The following IMMP2L variants were observed in gnomAD, a reference collection of about 807,000 sequenced individuals.
IMMP2L encodes the protein inner mitochondrial membrane peptidase subunit 2.
IMMP2L carries 18 observed loss-of-function variants against 19.3 expected under a neutral mutation model. The observed-to-expected ratio is 0.93, with a 90% CI of 0.64 to 1.38. The LOEUF is 1.38. Among genes scored for constraint, IMMP2L ranks in the 40% most tolerant of loss-of-function variants. The pLI, the probability that IMMP2L is intolerant of heterozygous loss-of-function variation, is 0.00. For synonymous variants in IMMP2L, 76 were observed against 73.0 expected (o/e 1.04, Z -0.21); for missense variants, 233 against 218.2 (o/e 1.07, Z -0.43).
At chr7:111,456,005 AT>A (rs1348288663) in intron 3 of IMMP2L, among the ~76,000 whole-genome samples, 64 of 145,922 alleles carry the variant, frequency 4.4e-4, no homozygotes, top group African/African-American at 1.6e-3. Context: ...ATATAGCAGG[AT>A]TATAAATGGC....
intron 3 of IMMP2L, among the ~76,000 whole-genome samples, chr7:111,478,784 C>A (rs184182223): frequency 2.6e-4 from 39 of 152,188 alleles, no homozygotes; most frequent in African/African-American, 9.4e-4. Flanking sequence ...TACTGTGAGA[C>A]TGTTTCTATC....
intron 3 of IMMP2L, among the ~76,000 whole-genome samples, chr7:111,042,782 C>T (rs1792022881): frequency 6.6e-6 from 1 of 152,190 alleles, no homozygotes; most frequent in Non-Finnish European, 1.5e-5. Flanking sequence ...CAACCTTTCT[C>T]CATTCCTTCT....
chr7:111,031,407 T>TGTGTGTGTGTGTGTGTGTGTGA (rs147571783), intron 3 of IMMP2L, among the ~76,000 whole-genome samples: 5 of 147,100 alleles, frequency 3.4e-5, no homozygotes, highest in African/African-American at 5.0e-5. Context: ...TGTGTGTGTG[T>TGTGTGTGTGTGTGTGTGTGTGA]GAGAGAAAGA....
chr7:111,251,295 G>C (rs1816088051), intron 3 of IMMP2L, among the ~76,000 whole-genome samples: 1 of 152,126 alleles, frequency 6.6e-6, no homozygotes, highest in Admixed American at 6.6e-5. Flanking sequence ...ACTGTTTATG[G>C]GGGTGTAAAT....
intron 3 of IMMP2L, among the ~76,000 whole-genome samples, chr7:111,257,903 G>T (rs1163724758): frequency 6.6e-6 from 1 of 151,780 alleles, no homozygotes; most frequent in African/African-American, 2.4e-5. Context: ...TTTACATTAG[G>T]TATTTCTCCT....
At chr7:110,684,293 T>C (rs1330327804) in intron 5 of IMMP2L, among the ~76,000 whole-genome samples, 2 of 152,110 alleles carry the variant, frequency 1.3e-5, no homozygotes, top group Non-Finnish European at 2.9e-5. Context: ...TAAGTCTTAA[T>C]TCTTTTTCGT....
At chr7:111,189,633 T>G (rs1449215145) in intron 3 of IMMP2L, among the ~76,000 whole-genome samples, 2 of 152,080 alleles carry the variant, frequency 1.3e-5, no homozygotes. Context: ...ATGGCATTCT[T>G]CAGCAAAGAA....
rs1406966448 is a variant in IMMP2L, at chr7:110,668,885, G to T, written c.409-5164C>A. 2.6e-5 allele frequency among the ~76,000 whole-genome samples: 4 copies of T among 151,746 alleles called. No individual in the cohort carries two copies. In the East Asian group the frequency reaches 7.7e-4, roughly 29 times the overall value. Reference sequence around the variant, plus strand: ...TTAAAATTGATATGTCTATAGGCAGGCAAAGAGTATAGTGAATATAGAAAG... The same window carrying T: ...TTAAAATTGATATGTCTATAGGCAGTCAAAGAGTATAGTGAATATAGAAAG... On this transcript the variant is annotated intron_variant, in intron 5 of 5. Coordinates refer to ENST00000405709, the MANE Select transcript of IMMP2L (RefSeq NM_032549.4).
At chr7:111,021,390 C>T (rs1009983866) in intron 3 of IMMP2L, among the ~76,000 whole-genome samples, 1 of 152,232 alleles carries the variant, frequency 6.6e-6, no homozygotes, top group African/African-American at 2.4e-5. Flanking sequence ...TCCTTACTCA[C>T]TGTATTAGTC....
intron 5 of IMMP2L, among the ~76,000 whole-genome samples, chr7:110,866,706 A>G (rs1280707961): frequency 1.3e-5 from 2 of 152,110 alleles, no homozygotes; most frequent in Non-Finnish European, 2.9e-5. Context: ...ATTTTACCAA[A>G]GGTTTCCGAG....
intron 3 of IMMP2L, among the ~76,000 whole-genome samples, chr7:111,224,989 A>T (rs187518463): frequency 1.3e-5 from 2 of 152,212 alleles, no homozygotes; most frequent in East Asian, 3.9e-4. Flanking sequence ...CACATAAAGC[A>T]CTCACTGCAA....
At chr7:110,839,606 A>C (rs1804853784) in intron 5 of IMMP2L, among the ~76,000 whole-genome samples, 1 of 152,136 alleles carries the variant, frequency 6.6e-6, no homozygotes, top group Non-Finnish European at 1.5e-5. Context: ...ATTTAAGCAC[A>C]TAAATGCTTA....
chr7:111,478,139 T>G (rs1305220115), intron 3 of IMMP2L, among the ~76,000 whole-genome samples: 1 of 152,144 alleles, frequency 6.6e-6, no homozygotes, highest in African/African-American at 2.4e-5. Context: ...CACTATTATA[T>G]TATTTACACT....
chr7:110,909,799 C>G (rs1341645944), intron 4 of IMMP2L, among the ~76,000 whole-genome samples: 1 of 151,912 alleles, frequency 6.6e-6, no homozygotes, highest in African/African-American at 2.4e-5. Context: ...CCTACCTTTC[C>G]CACCATTCAT....
Position 111,166,294 on chromosome 7 carries a change from C to T in IMMP2L, c.240-202729G>A, listed in dbSNP as rs571823707. On this transcript the variant is annotated intron_variant, in intron 3 of 5. Transcript: ENST00000405709. ...AATTCTAGACAATCAAAATCTAGTC[C>T]TTAAACTGTCTATGAAGTTCTTATC... Among the ~76,000 whole-genome samples the T allele has an allele frequency of 5.9e-5, 9 of 152,030 alleles. No homozygotes were observed. In the East Asian group the frequency reaches 1.8e-3, roughly 30 times the overall value.
intron 3 of IMMP2L, among the ~76,000 whole-genome samples, chr7:111,372,440 T>A (rs1015531871): frequency 7.2e-5 from 11 of 151,922 alleles, no homozygotes; most frequent in Admixed American, 3.3e-4. Context: ...ATGATAAATA[T>A]TCCTTCACCC....
intron 3 of IMMP2L, among the ~76,000 whole-genome samples, chr7:111,010,690 A>G (rs1405775664): frequency 6.6e-6 from 1 of 152,104 alleles, no homozygotes; most frequent in Non-Finnish European, 1.5e-5. Flanking sequence ...TGAGATTCTG[A>G]AGGTCAAAGA....
chr7:111,238,757 T>C (rs1814642044), intron 3 of IMMP2L, among the ~76,000 whole-genome samples: 1 of 151,962 alleles, frequency 6.6e-6, no homozygotes, highest in South Asian at 2.1e-4. Flanking sequence ...TTTGATAATT[T>C]GGAATAGGGT....
intron 1 of IMMP2L, among the ~76,000 whole-genome samples, chr7:111,525,871 CAATT>C (rs1846790910): frequency 6.6e-6 from 1 of 151,980 alleles, no homozygotes; most frequent in East Asian, 1.9e-4. Flanking sequence ...TGCCCTTCAA[CAATT>C]ATTTCCAATG....
Sources: allele counts gnomAD v4.1 joint callset (sites outside exome capture counted in the v4.1 genomes callset), GRCh38; gene constraint gnomAD v4.1.1; transcripts MANE v1.5; gene names NCBI Gene and HGNC (gene_info 2026-07-23, HGNC 2026-07-21).